Variants in UST observed in about 807,000 individuals in gnomAD.
The protein encoded by UST is uronyl 2-sulfotransferase.
Under a neutral mutation model 45.6 loss-of-function variants are expected in UST, and 21 were observed. The observed-to-expected ratio is 0.46, with a 90% CI of 0.33 to 0.66. UST has a LOEUF of 0.66. Ranked by LOEUF, UST falls within the 30% of genes least tolerant of loss-of-function variation. The pLI is 0.02. For missense variants in UST, 463 were observed against 512.4 expected, an observed-to-expected ratio of 0.90 and a Z score of 0.93; for synonymous variants, 215 against 200.6, an observed-to-expected ratio of 1.07 and a Z score of -0.61.
intron 4 of UST, among the ~76,000 whole-genome samples, chr6:148,954,665 G>A (rs564430439): frequency 6.6e-6 from 1 of 152,262 alleles, no homozygotes; most frequent in African/African-American, 2.4e-5. Context: ...GCACAACCAC[G>A]AAATCACCTA....
chr6:148,905,946 C>T (rs772923551), intron 2 of UST, among the ~76,000 whole-genome samples: 1 of 152,168 alleles, frequency 6.6e-6, no homozygotes, highest in African/African-American at 2.4e-5. Flanking sequence ...GTTATCTCCC[C>T]AGCTATATTG....
At chr6:148,972,765 T>C (rs1402167001) in intron 5 of UST, among the ~76,000 whole-genome samples, 1 of 152,252 alleles carries the variant, frequency 6.6e-6, no homozygotes, top group African/African-American at 2.4e-5. Flanking sequence ...CTAACATTTA[T>C]TAAGGCGGTG....
intron 1 of UST, among the ~76,000 whole-genome samples, chr6:148,883,941 G>A (rs956399254): frequency 6.6e-6 from 1 of 152,206 alleles, no homozygotes; most frequent in East Asian, 1.9e-4. Context: ...AGACCAGCCT[G>A]GCCAACATGG....
At chr6:148,811,152 G>A (rs1447609630) in intron 1 of UST, among the ~76,000 whole-genome samples, 1 of 152,052 alleles carries the variant, frequency 6.6e-6, no homozygotes, top group Non-Finnish European at 1.5e-5. Flanking sequence ...CTATGGGTCA[G>A]CTGGGCAGTT....
chr6:149,018,230 C>A (rs190608122), intron 5 of UST, among the ~76,000 whole-genome samples: 3 of 152,260 alleles, frequency 2.0e-5, no homozygotes, highest in Admixed American at 2.0e-4. Context: ...AACACCCACA[C>A]CTAAACACCT....
At chr6:148,860,876 G>T (rs1358227456) in intron 1 of UST, among the ~76,000 whole-genome samples, 5 of 152,110 alleles carry the variant, frequency 3.3e-5, no homozygotes, top group African/African-American at 1.2e-4. Context: ...AGCTTTTTGA[G>T]GTGCTGTTGG....
At chr6:148,791,878 A>G (rs1402554619) in intron 1 of UST, among the ~76,000 whole-genome samples, 3 of 152,232 alleles carry the variant, frequency 2.0e-5, no homozygotes, top group Non-Finnish European at 4.4e-5. Flanking sequence ...TTGAGCGAGT[A>G]AGTCAGGACC....
intron 1 of UST, among the ~76,000 whole-genome samples, chr6:148,795,400 C>T (rs1169696810): frequency 6.6e-6 from 1 of 152,178 alleles, no homozygotes; most frequent in Non-Finnish European, 1.5e-5. Flanking sequence ...CTCACAAGCA[C>T]CTGCATCTCA....
At chr6:148,973,097 T>G (rs886240397) in intron 5 of UST, among the ~76,000 whole-genome samples, 4 of 152,232 alleles carry the variant, frequency 2.6e-5, no homozygotes, top group Non-Finnish European at 4.4e-5. Context: ...ACATTTTTAT[T>G]TGTTAGGCTT....
chr6:149,051,201 A>G (rs1425962621), intron 7 of UST, among the ~76,000 whole-genome samples: 3 of 152,220 alleles, frequency 2.0e-5, no homozygotes, highest in Non-Finnish European at 2.9e-5. Flanking sequence ...GCAGCCAAGA[A>G]AAGTCTCATT....
chr6:148,894,021 C>T (rs1249781963), intron 2 of UST, among the ~76,000 whole-genome samples: 1 of 151,202 alleles, frequency 6.6e-6, no homozygotes, highest in East Asian at 1.9e-4. Context: ...TCTGTCTCTT[C>T]AAAAAAAAGT....
intron 7 of UST, among the ~76,000 whole-genome samples, chr6:149,034,839 TC>T: frequency 1.7e-4 from 1 of 5,980 alleles, no homozygotes; most frequent in African/African-American, 1.3e-3. Context: ...GCTCATTCTC[TC>T]TCTCTCTCTC....
chr6:148,996,794 GTGTTTATACAGCCT>G (rs1781461677), intron 5 of UST, among the ~76,000 whole-genome samples: 1 of 152,142 alleles, frequency 6.6e-6, no homozygotes, highest in Admixed American at 6.5e-5. Context: ...AATTTTTTGT[GTGTTTATACAGCCT>G]TGGTCTGATT....
Position 148,835,966 on chromosome 6 carries a change from CT to C in UST, c.248-51014del, listed in dbSNP as rs565946111. Among the ~76,000 whole-genome samples, 410 of 152,034 alleles carry C rather than the reference CT, an allele frequency of 2.7e-3. 1 individual carries two copies. Among genetic ancestry groups the C allele is most frequent in the African/African-American group, 9.5e-3 (394 of 41,480 alleles). On this transcript the variant is annotated intron_variant, in intron 1 of 7. Coordinates refer to ENST00000367463, the MANE Select transcript of UST (RefSeq NM_005715.3). The stretch of plus-strand genomic sequence containing the variant: ...TTCAGTGAGGACTCAAGGAAACCAC[CT>C]TTTTTGTTGTCTGGCCAATAACTTA...
chr6:149,055,118 A>G (rs1429317369), intron 7 of UST, among the ~76,000 whole-genome samples: 1 of 152,090 alleles, frequency 6.6e-6, no homozygotes, highest in Non-Finnish European at 1.5e-5. Flanking sequence ...ATCATTTGGT[A>G]GAAGCCATTT....
At chr6:148,804,677 G>T (rs1302098856) in intron 1 of UST, among the ~76,000 whole-genome samples, 1 of 152,074 alleles carries the variant, frequency 6.6e-6, no homozygotes, top group African/African-American at 2.4e-5. Flanking sequence ...TAAGGTTTAT[G>T]TGAGAATATC....
In UST at chr6:148,902,852, G is replaced by A. The variant is rs560272250; in HGVS notation, c.291+15823G>A. Among the ~76,000 whole-genome samples the A allele has an allele frequency of 2.0e-4, 31 of 152,050 alleles. 1 individual carries two copies. Among genetic ancestry groups the A allele is most frequent in the Middle Eastern group, 3.4e-3 (1 of 294 alleles). ...GAAACTGTCTTCCACTCCTTCTGTT[G>A]CATTTCTTCCTTGCTGTTCTCATAT... On this transcript the variant is annotated intron_variant, in intron 2 of 7. Coordinates refer to ENST00000367463, the MANE Select transcript of UST (RefSeq NM_005715.3).
intron 1 of UST, among the ~76,000 whole-genome samples, chr6:148,788,629 T>TC (rs1776780064): frequency 6.6e-6 from 1 of 152,122 alleles, no homozygotes; most frequent in South Asian, 2.1e-4. Flanking sequence ...TAAAAAATGA[T>TC]CCAAAATGTT....
chr6:148,837,602 A>G (rs548968219), intron 1 of UST, among the ~76,000 whole-genome samples: 1 of 152,362 alleles, frequency 6.6e-6, no homozygotes, highest in African/African-American at 2.4e-5. Context: ...TATGTATTCA[A>G]CAAATATTTA....
Sources: allele counts gnomAD v4.1 joint callset (sites outside exome capture counted in the v4.1 genomes callset), GRCh38; gene constraint gnomAD v4.1.1; transcripts MANE v1.5; gene names NCBI Gene and HGNC (gene_info 2026-07-23, HGNC 2026-07-21).